Variants in DNAAF6 observed in about 807,000 individuals in gnomAD.
DNAAF6 encodes dynein axonemal assembly factor 6.
In DNAAF6, 3 loss-of-function variants were observed where a neutral mutation model predicts 13.7. The ratio of observed to expected loss-of-function variants is 0.22; its 90% CI spans 0.10 to 0.56. DNAAF6 has a LOEUF of 0.56. DNAAF6 is among the 20% of genes least tolerant of loss of function. The pLI, the probability that DNAAF6 is intolerant of heterozygous loss-of-function variation, is 0.92. For missense variants in DNAAF6, 130 were observed against 151.0 expected (o/e 0.86, Z 0.73); for synonymous variants, 54 against 49.2 (o/e 1.10, Z -0.41).
At chrX:107,236,922 C>G (rs1046176916) in intron 5 of DNAAF6, among the ~76,000 whole-genome samples, 3 of 111,496 alleles carry the variant, frequency 2.7e-5, no homozygotes, top group Admixed American at 9.5e-5. Context: ...GAATAGAATG[C>G]CTATTTACTT....
At chrX:107,225,198 G>C (rs1461961020) in intron 5 of DNAAF6, among the ~76,000 whole-genome samples, 1 of 110,157 alleles carries the variant, frequency 9.1e-6, no homozygotes, top group South Asian at 3.9e-4. Context: ...TTTATTTGTA[G>C]CTTGAATGTT....
chrX:107,232,046 T>C (rs1928413678), intron 5 of DNAAF6, among the ~76,000 whole-genome samples: 1 of 110,863 alleles, frequency 9.0e-6, no homozygotes, highest in Non-Finnish European at 1.9e-5. Context: ...TTTCTAGAGA[T>C]GTGGTTTCAC....
intron 6 of DNAAF6, among the ~76,000 whole-genome samples, chrX:107,241,814 CACTA>C (rs775786480): frequency 3.6e-5 from 4 of 111,520 alleles, no homozygotes; most frequent in East Asian, 2.8e-4. Context: ...TTCCAATGGC[CACTA>C]ACTGTCTCTT....
In DNAAF6 at chrX:107,218,881, G is replaced by A. The variant is rs147979953; in HGVS notation, c.244G>A (p.Glu82Lys). 2,107 of 1,190,849 alleles carry A rather than the reference G, an allele frequency of 1.8e-3. 3 individuals are homozygous for A. Among genetic ancestry groups the A allele is most frequent in the Non-Finnish European group, 2.3e-3 (2,028 of 889,476 alleles). ...EELKVIPETSEENNEDIWNSE... is the reference protein window; with the variant it reads ...EELKVIPETSKENNEDIWNSE... Reference sequence around the variant, plus strand: ...CTTCACAGTCATCCCTGAAACCAGCGAGGAAAATAATGAGGACATCTGGAA... The same window carrying A: ...CTTCACAGTCATCCCTGAAACCAGCAAGGAAAATAATGAGGACATCTGGAA... The change falls in exon 4 of 7, where the codon GAG (glutamate) becomes AAG (lysine). Residue 82 changes from glutamate to lysine, a missense_variant. Transcript: ENST00000372453.
At chrX:107,243,045 T>C in intron 6 of DNAAF6, 124 bp from the exon 7 acceptor site, 1 of 719,027 alleles carries the variant, frequency 1.4e-6, no homozygotes, top group Non-Finnish European at 2.0e-6. Flanking sequence ...ATATTTACAC[T>C]ATCTAAATAT....
intron 5 of DNAAF6, 124 bp from the exon 6 acceptor site, chrX:107,238,798 A>G: frequency 9.5e-7 from 1 of 1,051,183 alleles, no homozygotes; most frequent in East Asian, 3.5e-5. Context: ...TGACATAAAG[A>G]TAGGGCATAG....
intron 5 of DNAAF6, among the ~76,000 whole-genome samples, chrX:107,238,133 A>G (rs1350320849): frequency 1.8e-5 from 2 of 112,243 alleles, no homozygotes; most frequent in Non-Finnish European, 3.8e-5. Context: ...ACTCCTTTTT[A>G]TGGCTGAATA....
At chrX:107,242,266 AAAG>A (rs1158099371) in intron 6 of DNAAF6, among the ~76,000 whole-genome samples, 1 of 112,421 alleles carries the variant, frequency 8.9e-6, no homozygotes, top group East Asian at 2.8e-4. Flanking sequence ...GCAAAGGAAT[AAAG>A]AAGGAATTGA....
rs202004268 is a variant in DNAAF6 at position 107,221,304 on chromosome X, GC to G, written c.333-1434del. ...TTGTTTTTTTTCTTCGCCAACCACC[GC>G]CCCCCCGGCCCCGCCCATTGTTCAC... On this transcript the variant is annotated intron_variant, in intron 4 of 6. Coordinates refer to ENST00000372453, the MANE Select transcript of DNAAF6 (RefSeq NM_173494.2). 2.3e-3 allele frequency among the ~76,000 whole-genome samples: 250 copies of G among 107,196 alleles called. 3 individuals are homozygous for G. In the East Asian group the frequency reaches 0.064, roughly 28 times the overall value. 93.1% of individuals were successfully genotyped at this position (107,196 alleles called of 115,157 possible). A position where few individuals can be genotyped will look rare whatever the true frequency, so the allele number is the denominator to read the frequency against.
At chrX:107,242,813 C>T (rs1303294499) in intron 6 of DNAAF6, among the ~76,000 whole-genome samples, 1 of 111,632 alleles carries the variant, frequency 9.0e-6, no homozygotes, top group Non-Finnish European at 1.9e-5. Context: ...AATTTGTATC[C>T]GTCGGCCACA....
chrX:107,217,686 T>G (rs1320062432), intron 3 of DNAAF6, among the ~76,000 whole-genome samples: 1 of 112,396 alleles, frequency 8.9e-6, no homozygotes, highest in Non-Finnish European at 1.9e-5. Context: ...TTGGTCATGA[T>G]CACCATTAAC....
intron 3 of DNAAF6, among the ~76,000 whole-genome samples, chrX:107,217,467 T>A (rs956632170): frequency 2.7e-5 from 3 of 111,744 alleles, no homozygotes; most frequent in Non-Finnish European, 5.7e-5. Flanking sequence ...GCTAATAGAC[T>A]TTTGGAGAAG....
chrX:107,241,290 G>A lies in DNAAF6; in HGVS notation c.516-1879G>A, dbSNP rs770085277. Among the ~76,000 whole-genome samples the A allele has an allele frequency of 3.6e-5, 4 of 111,691 alleles. No individual in the cohort carries two copies. In the East Asian group the frequency reaches 8.4e-4, roughly 23 times the overall value. Reference sequence around the variant, plus strand: ...AGATTTTTTTTGTATTTACATTCATGTATTATTGTTTGCATTTAATTTCTA... The same window carrying A: ...AGATTTTTTTTGTATTTACATTCATATATTATTGTTTGCATTTAATTTCTA... On this transcript the variant is annotated intron_variant, in intron 6 of 6. Transcript: ENST00000372453.
chrX:107,210,939 T>A (rs1006863010), intron 1 of DNAAF6, among the ~76,000 whole-genome samples: 27 of 111,496 alleles, frequency 2.4e-4, no homozygotes, highest in Admixed American at 9.5e-5. Context: ...AGACTCAGGA[T>A]GAACTTAAAT....
rs1178692500 is a variant in DNAAF6, at chrX:107,244,101, C to CT, written c.*807dup. 1 of 112,493 alleles carries CT rather than the reference C, an allele frequency of 8.9e-6. No individual in the cohort carries two copies. The highest frequency in any genetic ancestry group is 1.9e-5 in the Non-Finnish European group (1 of 53,186). The allele number at this position is 112,493 out of a possible 1,213,427, so 9.3% of individuals were successfully genotyped here. The stretch of plus-strand genomic sequence containing the variant: ...GTATTATTTGGCTTCTTCAGTTGTG[C>CT]TTTTAATGCTTGGATATAGTTAGGT... On this transcript the variant is annotated 3_prime_UTR_variant, in exon 7 of 7. Coordinates refer to ENST00000372453, the MANE Select transcript of DNAAF6 (RefSeq NM_173494.2).
chrX:107,212,272 C>T (rs1927873895), intron 1 of DNAAF6, among the ~76,000 whole-genome samples: 1 of 110,915 alleles, frequency 9.0e-6, no homozygotes, highest in African/African-American at 3.3e-5. Flanking sequence ...AGAAAGCCAC[C>T]GACACAGTGC....
intron 5 of DNAAF6, among the ~76,000 whole-genome samples, chrX:107,234,420 ATATCT>A (rs1928474520): frequency 8.9e-6 from 1 of 112,080 alleles, no homozygotes; most frequent in Admixed American, 9.5e-5. Context: ...GTGGAAAAAA[ATATCT>A]TATACATGTT....
In DNAAF6 at chrX:107,218,938, G is replaced by A; in HGVS notation, c.301G>A (p.Asp101Asn). The change falls in exon 4 of 7, where the codon GAT becomes AAT. Residue 101 changes from aspartate to asparagine, a missense_variant. Asp to Asn is a conservative substitution (Grantham distance 23). Coordinates refer to ENST00000372453, the MANE Select transcript of DNAAF6 (RefSeq NM_173494.2). ...AGAGATTCCAGAAGGAGCAGAATAT[G>A]ATGATATGTGGGATGTTAGAGAAAT... The part of the protein sequence containing the change: ...SEEIPEGAEY[D>N]DMWDVREIPE... 2 of 1,189,307 alleles carry A rather than the reference G, an allele frequency of 1.7e-6. No homozygotes were observed. The highest frequency in any genetic ancestry group is 2.2e-6 in the Non-Finnish European group (2 of 888,951).
chrX:107,220,090 C>G (rs1445203294), intron 4 of DNAAF6, among the ~76,000 whole-genome samples: 2 of 111,955 alleles, frequency 1.8e-5, no homozygotes, highest in Non-Finnish European at 3.8e-5. Flanking sequence ...TGAGCCACTG[C>G]GCCCAGCCAA....
Sources: allele counts gnomAD v4.1 joint callset (sites outside exome capture counted in the v4.1 genomes callset), GRCh38; gene constraint gnomAD v4.1.1; transcripts MANE v1.5; gene names NCBI Gene and HGNC (gene_info 2026-07-23, HGNC 2026-07-21).